CNOT7: variants seen among roughly 807,000 people sequenced by gnomAD.
CNOT7 encodes the protein CCR4-NOT transcription complex subunit 7.
A neutral mutation model predicts 37.1 loss-of-function variants in CNOT7; 4 were observed. The ratio of observed to expected loss-of-function variants is 0.11; its 90% CI spans 0.05 to 0.25. CNOT7 has a LOEUF of 0.25. Ranked by LOEUF, CNOT7 falls within the 10% of genes least tolerant of loss-of-function variation. The pLI is 1.00. For missense variants in CNOT7, 170 were observed against 336.2 expected (o/e 0.51, Z 3.87); for synonymous variants, 128 against 115.6 (o/e 1.11, Z -0.69).
intron 5 of CNOT7, 110 bp downstream of exon 5, chr8:17,234,606 A>T: frequency 9.0e-7 from 1 of 1,109,836 alleles, no homozygotes; most frequent in Non-Finnish European, 1.4e-6. Context: ...AATTGCATTC[A>T]CTGTAATACT....
rs575879194 is a variant in CNOT7 at position 17,244,100 on chromosome 8, G to T, written c.118-915C>A. Among the ~76,000 whole-genome samples, 15 of 152,274 alleles carry T rather than the reference G, an allele frequency of 9.9e-5. No individual in the cohort carries two copies. The South Asian group carries it at 3.1e-3, about 32-fold the overall frequency. ...AGCCACTTTATTGAATACTATATGT[G>T]TTATGCTAGGTGTTGGGAGAGAAAG... On this transcript the variant is annotated intron_variant, in intron 2 of 6. Coordinates refer to ENST00000361272, the MANE Select transcript of CNOT7 (RefSeq NM_013354.7).
intron 1 of CNOT7, chr8:17,245,907 T>C (rs1810937158): frequency 6.6e-6 from 1 of 152,156 alleles, no homozygotes; most frequent in African/African-American, 2.4e-5. Flanking sequence ...CTGTTGATTC[T>C]TGGGCAGGGA....
chr8:17,238,277 G>A (rs1809653508), intron 3 of CNOT7, among the ~76,000 whole-genome samples: 1 of 152,088 alleles, frequency 6.6e-6, no homozygotes, highest in African/African-American at 2.4e-5. Flanking sequence ...TTGGCAAAAG[G>A]AATTCCTATT....
At chr8:17,238,955 A>G (rs1225044220) in intron 3 of CNOT7, among the ~76,000 whole-genome samples, 1 of 152,228 alleles carries the variant, frequency 6.6e-6, no homozygotes, top group Admixed American at 6.5e-5. Flanking sequence ...AGGACTTGTC[A>G]AGTGCCTATC....
chr8:17,245,701 C>T (rs770841481), intron 1 of CNOT7, among the ~76,000 whole-genome samples: 5 of 152,068 alleles, frequency 3.3e-5, no homozygotes, highest in Admixed American at 6.5e-5. Context: ...TCTACTTTAC[C>T]GGCGTTTATT....
intron 3 of CNOT7, among the ~76,000 whole-genome samples, chr8:17,238,189 C>A (rs1809639291): frequency 6.6e-6 from 1 of 152,134 alleles, no homozygotes; most frequent in South Asian, 2.1e-4. Flanking sequence ...TACCAAAATA[C>A]AGATACATTT....
At chr8:17,237,469 G>T in intron 3 of CNOT7, 96 bp from the exon 4 acceptor site, 2 of 1,172,508 alleles carry the variant, frequency 1.7e-6, no homozygotes, top group Non-Finnish European at 2.4e-6. Context: ...CCAGAAAAGA[G>T]ACAGAGGAAT....
chr8:17,227,008 T>A lies in CNOT7; in HGVS notation c.*3712A>T, dbSNP rs989522105. 4.0e-5 allele frequency: 4 copies of A among 100,698 alleles called. No homozygotes were observed. The highest frequency in any genetic ancestry group is 1.1e-4 in the African/African-American group (4 of 38,080). 6.2% of individuals were successfully genotyped at this position (100,698 alleles called of 1,614,324 possible). A position where few individuals can be genotyped will look rare whatever the true frequency, so the allele number is the denominator to read the frequency against. On this transcript the variant is annotated 3_prime_UTR_variant, in exon 7 of 7. Coordinates refer to ENST00000361272, the MANE Select transcript of CNOT7 (RefSeq NM_013354.7). Reference sequence around the variant, plus strand: ...CAAATCAGGATATTCAGCTTCTGTTTCTCACAAAAAAAAAAAAATCATGGA... The same window carrying A: ...CAAATCAGGATATTCAGCTTCTGTTACTCACAAAAAAAAAAAAATCATGGA...
Position 17,245,001 on chromosome 8 carries a change from T to C in CNOT7, c.117+35A>G, listed in dbSNP as rs183346094. Reference sequence around the variant, plus strand: ...TTTAAAATTTCCTTTTCCTCCTTTATATGAAGCGTTTTAAAGATCTGCTTG... The same window carrying C: ...TTTAAAATTTCCTTTTCCTCCTTTACATGAAGCGTTTTAAAGATCTGCTTG... On this transcript the variant is annotated intron_variant, in intron 2 of 6. Coordinates refer to ENST00000361272, the MANE Select transcript of CNOT7 (RefSeq NM_013354.7). The C allele has an allele frequency of 5.1e-5, 77 of 1,503,568 alleles. 1 individual carries two copies. The African/African-American group carries it at 9.2e-4, about 18-fold the overall frequency. The allele number at this position is 1,503,568 out of a possible 1,614,324, so 93.1% of individuals were successfully genotyped here. A position where few individuals can be genotyped will look rare whatever the true frequency, so the allele number is the denominator to read the frequency against.
Position 17,232,352 on chromosome 8 carries a change from A to G in CNOT7, c.729+75T>C, listed in dbSNP as rs188253036. On this transcript the variant is annotated intron_variant, in intron 6 of 6. Transcript: ENST00000361272. ...TTACTTAGTAGGTACTTGTTGCCCA[A>G]AATCTTTGGCCACAAGATTTTTAAT... The G allele has an allele frequency of 6.8e-4, 1,091 of 1,609,682 alleles. 7 individuals are homozygous for G. In the African/African-American group the frequency reaches 0.013, roughly 19 times the overall value.
intron 6 of CNOT7, 39 bp downstream of exon 6, chr8:17,232,388 T>G (rs1038393847): frequency 3.1e-6 from 5 of 1,613,458 alleles, no homozygotes; most frequent in Admixed American, 1.7e-5. Flanking sequence ...GTTCTCAACC[T>G]AACAACCAAC....
At chr8:17,238,224 T>A (rs974183958) in intron 3 of CNOT7, among the ~76,000 whole-genome samples, 2 of 152,098 alleles carry the variant, frequency 1.3e-5, no homozygotes, top group Admixed American at 6.6e-5. Flanking sequence ...AAAAGTGTTT[T>A]TTTATTTACT....
At position 17,245,201 on chromosome 8, in the gene CNOT7, T is replaced by G. The variant is rs762754553; in HGVS notation, c.-49A>C. ...ATGCCAAGCATCAAAATGTTATACTTGATTGAAGATTTGTTTCATAAAATA... is the reference window on the plus strand; with the variant it reads ...ATGCCAAGCATCAAAATGTTATACTGGATTGAAGATTTGTTTCATAAAATA... On this transcript the variant is annotated 5_prime_UTR_variant, in exon 2 of 7. Transcript: ENST00000361272. 9.8e-6 allele frequency: 15 copies of G among 1,534,866 alleles called. No individual in the cohort carries two copies. The highest frequency in any genetic ancestry group is 1.3e-5 in the Non-Finnish European group (15 of 1,142,730).
rs1585771464 is a variant in CNOT7, at chr8:17,230,639, G to T, written c.*81C>A. 8.7e-6 allele frequency: 11 copies of T among 1,260,944 alleles called. No individual in the cohort carries two copies. The East Asian group carries it at 2.5e-4, about 29-fold the overall frequency. The allele number at this position is 1,260,944 out of a possible 1,614,324, so 78.1% of individuals were successfully genotyped here. A position where few individuals can be genotyped will look rare whatever the true frequency, so the allele number is the denominator to read the frequency against. On this transcript the variant is annotated 3_prime_UTR_variant, in exon 7 of 7. Coordinates refer to ENST00000361272, the MANE Select transcript of CNOT7 (RefSeq NM_013354.7). ...AGGGGGGGGAAAGGTACTGTCTATT[G>T]TTCGAGGGATTCAACCAGAGATAAA...
chr8:17,244,368 ATTTT>A (rs937740966), intron 2 of CNOT7: 10 of 152,192 alleles, frequency 6.6e-5, no homozygotes, highest in African/African-American at 1.9e-4. Context: ...GGCACATCTG[ATTTT>A]TTTGTTTGAG....
chr8:17,246,407 G>A (rs1042701099), intron 1 of CNOT7: 3 of 152,982 alleles, frequency 2.0e-5, no homozygotes, highest in African/African-American at 7.2e-5. Context: ...GAAGAGGTGA[G>A]GATCTAGGCC....
rs189183643 is a variant in CNOT7, at chr8:17,236,682, T to C, written c.473+530A>G. 7.2e-5 allele frequency among the ~76,000 whole-genome samples: 11 copies of C among 152,316 alleles called. No homozygotes were observed. In the East Asian group the frequency reaches 2.1e-3, roughly 29 times the overall value. On this transcript the variant is annotated intron_variant, in intron 4 of 6. Coordinates refer to ENST00000361272, the MANE Select transcript of CNOT7 (RefSeq NM_013354.7). ...TGTTTTGAGATAGTACTTATCACTA[T>C]CTAACAAATCACAACGTGAACTCCA...
At chr8:17,241,618 T>C (rs1810177371) in intron 3 of CNOT7, 1 of 152,212 alleles carries the variant, frequency 6.6e-6, no homozygotes, top group Non-Finnish European at 1.5e-5. Context: ...GATATTAGGA[T>C]GTATGACACA....
In CNOT7 at chr8:17,229,089, G is replaced by A. The variant is rs1465688182; in HGVS notation, c.*1631C>T. Reference sequence around the variant, plus strand: ...CAACACTTGAAATGCAGAAAACTCAGACTGATTTTTCAATTAATGGACTAA... The same window carrying A: ...CAACACTTGAAATGCAGAAAACTCAAACTGATTTTTCAATTAATGGACTAA... On this transcript the variant is annotated 3_prime_UTR_variant, in exon 7 of 7. Coordinates refer to ENST00000361272, the MANE Select transcript of CNOT7 (RefSeq NM_013354.7). 1 of 151,856 alleles carries A rather than the reference G, an allele frequency of 6.6e-6. No individual in the cohort carries two copies. Among genetic ancestry groups the A allele is most frequent in the African/African-American group, 2.4e-5 (1 of 41,394 alleles). The allele number at this position is 151,856 out of a possible 1,614,324, so 9.4% of individuals were successfully genotyped here. A position where few individuals can be genotyped will look rare whatever the true frequency, so the allele number is the denominator to read the frequency against.
Sources: allele counts gnomAD v4.1 joint callset (sites outside exome capture counted in the v4.1 genomes callset), GRCh38; gene constraint gnomAD v4.1.1; transcripts MANE v1.5; gene names NCBI Gene and HGNC (gene_info 2026-07-23, HGNC 2026-07-21).